INTS4: variants seen among roughly 807,000 people sequenced by gnomAD.
INTS4 encodes the protein integrator complex subunit 4, also known as MSTP093.
In INTS4, 70 loss-of-function variants were observed where a neutral mutation model predicts 119.5. The observed-to-expected ratio is 0.59, with a 90% CI of 0.48 to 0.71. INTS4 has a LOEUF of 0.71. Among genes scored for constraint, INTS4 ranks in the 30% least tolerant of loss-of-function variants. The pLI, the probability that INTS4 is intolerant of heterozygous loss-of-function variation, is 0.00. For missense variants in INTS4, 867 were observed against 1,173.2 expected (o/e 0.74, Z 3.81); for synonymous variants, 316 against 419.6 (o/e 0.75, Z 3.02).
At chr11:77,990,004 T>G (rs1453647478) in intron 2 of INTS4, among the ~76,000 whole-genome samples, 1 of 151,866 alleles carries the variant, frequency 6.6e-6, no homozygotes, top group Admixed American at 6.6e-5. Context: ...TCACTTGAGG[T>G]CAGGAGTACA....
intron 18 of INTS4, among the ~76,000 whole-genome samples, chr11:77,897,642 A>C (rs1952585061): frequency 6.6e-6 from 1 of 150,500 alleles, no homozygotes; most frequent in Non-Finnish European, 1.5e-5. Flanking sequence ...CTGGGATTAC[A>C]GGCACCTGCC....
At position 77,922,252 on chromosome 11, in the gene INTS4, A is replaced by C. The variant is rs1461676754; in HGVS notation, c.1630+104T>G. 5.6e-6 allele frequency: 8 copies of C among 1,437,504 alleles called. No homozygotes were observed. In the East Asian group the frequency reaches 2.0e-4, roughly 36 times the overall value. The allele number at this position is 1,437,504 out of a possible 1,614,324, so 89.0% of individuals were successfully genotyped here. On this transcript the variant is annotated intron_variant, in intron 13 of 22. Transcript: ENST00000534064. ...TCAAAAAAAAAAAAAAAAAAGAAAG[A>C]AAAGCAAAGAAAAGAAAATTCAGAC...
chr11:77,979,265 G>C (rs1315594565), intron 3 of INTS4, among the ~76,000 whole-genome samples, 163 bp from the exon 4 acceptor site: 2 of 152,088 alleles, frequency 1.3e-5, no homozygotes, highest in Admixed American at 1.3e-4. Flanking sequence ...GAGCCCAGGA[G>C]TTCAAGACGA....
chr11:77,912,894 T>C (rs1953121407), intron 15 of INTS4, among the ~76,000 whole-genome samples: 1 of 152,210 alleles, frequency 6.6e-6, no homozygotes, highest in South Asian at 2.1e-4. Context: ...AACTAAAAAA[T>C]CCCATGTTCT....
chr11:77,905,540 T>C (rs995091267), intron 16 of INTS4, among the ~76,000 whole-genome samples: 1 of 152,096 alleles, frequency 6.6e-6, no homozygotes, highest in African/African-American at 2.4e-5. Flanking sequence ...TCCATGAAAG[T>C]GCATCATCAC....
intron 22 of INTS4, among the ~76,000 whole-genome samples, chr11:77,881,118 GAGA>G (rs1254242592): frequency 1.3e-5 from 2 of 152,188 alleles, no homozygotes; most frequent in Admixed American, 6.5e-5. Context: ...GGGAACTTGG[GAGA>G]AGGAGACAAG....
intron 4 of INTS4, among the ~76,000 whole-genome samples, chr11:77,972,291 G>T (rs545804645): frequency 6.6e-6 from 1 of 152,172 alleles, no homozygotes; most frequent in South Asian, 2.1e-4. Context: ...TAGAGATGGG[G>T]TTTTGCCATG....
Position 77,918,827 on chromosome 11 carries a change from G to A in INTS4, c.1916C>T (p.Thr639Ile), listed in dbSNP as rs1481643827. The A allele has an allele frequency of 1.2e-6, 2 of 1,613,074 alleles. No individual in the cohort carries two copies. The highest frequency in any genetic ancestry group is 3.3e-5 in the Admixed American group (2 of 59,970). The change falls in exon 15 of 23, where the codon ACC becomes ATC. Residue 639 changes from threonine to isoleucine, a missense_variant. Coordinates refer to ENST00000534064, the MANE Select transcript of INTS4 (RefSeq NM_033547.4). ...PQGAQELLEF[T>I]IRDLQRLGEL... is the part of the protein sequence containing the mutation. Reference sequence around the variant, plus strand: ...GAAGGGATGATTACCCTACCTGATGGTGAATTCCAGCAGCTCCTGGGCTCC... The same window carrying A: ...GAAGGGATGATTACCCTACCTGATGATGAATTCCAGCAGCTCCTGGGCTCC...
At chr11:77,946,999 G>GA (rs1009460748) in intron 8 of INTS4, among the ~76,000 whole-genome samples, 4 of 148,748 alleles carry the variant, frequency 2.7e-5, no homozygotes, top group Non-Finnish European at 5.9e-5. Context: ...AGAATTTAAT[G>GA]AAAAAAATAA....
rs181035327 is a variant in INTS4 at position 77,933,373 on chromosome 11, C to G, written c.1166-4826G>C. Among the ~76,000 whole-genome samples the G allele has an allele frequency of 5.8e-3, 787 of 135,498 alleles. 3 individuals carry two copies. Among genetic ancestry groups the G allele is most frequent in the African/African-American group, 0.021 (743 of 35,380 alleles). 88.9% of individuals were successfully genotyped at this position (135,498 alleles called of 152,430 possible). A position where few individuals can be genotyped will look rare whatever the true frequency, so the allele number is the denominator to read the frequency against. ...GAGTGCCTGGGATTGCAGGCGCGCG[C>G]CGCCACGTCTGACTGGTTTTCGTAT... On this transcript the variant is annotated intron_variant, in intron 10 of 22. Transcript: ENST00000534064.
chr11:77,965,655 G>A (rs1314138083), intron 4 of INTS4, among the ~76,000 whole-genome samples: 1 of 152,114 alleles, frequency 6.6e-6, no homozygotes, highest in Non-Finnish European at 1.5e-5. Context: ...TGAATGACAG[G>A]ATCTCCTTCA....
At chr11:77,888,815 T>C (rs372139277) in intron 21 of INTS4, among the ~76,000 whole-genome samples, 2 of 152,040 alleles carry the variant, frequency 1.3e-5, no homozygotes, top group South Asian at 2.1e-4. Context: ...CCAAAAAACA[T>C]ATGAAAAAAT....
chr11:77,925,728 C>T (rs538035254), intron 11 of INTS4, among the ~76,000 whole-genome samples: 7 of 152,166 alleles, frequency 4.6e-5, no homozygotes, highest in Non-Finnish European at 1.0e-4. Context: ...GTCCCTAATC[C>T]CCTCTCAGAC....
At chr11:77,895,012 T>C (rs1189283917) in intron 18 of INTS4, among the ~76,000 whole-genome samples, 1 of 152,226 alleles carries the variant, frequency 6.6e-6, no homozygotes, top group Admixed American at 6.5e-5. Flanking sequence ...TAAATTCCTG[T>C]GCAAGAGGGG....
chr11:77,918,234 C>A (rs771443532), intron 15 of INTS4: 15 of 645,148 alleles, frequency 2.3e-5, no homozygotes, highest in South Asian at 2.0e-4. Flanking sequence ...GAGTTTGAGA[C>A]CAGCCTGGCC....
intron 4 of INTS4, among the ~76,000 whole-genome samples, chr11:77,975,998 C>A (rs1373825125): frequency 1.3e-5 from 2 of 148,346 alleles, no homozygotes; most frequent in Non-Finnish European, 3.0e-5. Flanking sequence ...AAAAAAAACA[C>A]ACACACACAA....
rs966251522 is a variant in INTS4 at position 77,928,257 on chromosome 11, C to T, written c.1371+85G>A. 6 of 1,398,590 alleles carry T rather than the reference C, an allele frequency of 4.3e-6. No individual in the cohort carries two copies. In the African/African-American group the frequency reaches 8.5e-5, roughly 20 times the overall value. 86.6% of individuals were successfully genotyped at this position (1,398,590 alleles called of 1,614,324 possible). ...GAACTGTGCTCCCTGATATAGTGTT[C>T]TGTCACCAATGCCTAGCACAATACC... On this transcript the variant is annotated intron_variant, in intron 11 of 22. Coordinates refer to ENST00000534064, the MANE Select transcript of INTS4 (RefSeq NM_033547.4).
At chr11:77,921,204 G>GAGGAT in intron 14 of INTS4, 136 bp downstream of exon 14, 1 of 752,204 alleles carries the variant, frequency 1.3e-6, no homozygotes, top group Non-Finnish European at 2.2e-6. Context: ...GCTGAGCCAG[G>GAGGAT]AGGATGGCTT....
At chr11:77,981,622 T>A in intron 2 of INTS4, 46 bp from the exon 3 acceptor site, 17 of 938,602 alleles carry the variant, frequency 1.8e-5, no homozygotes, top group Non-Finnish European at 2.8e-5. Flanking sequence ...TACACTTAGC[T>A]AACCAACAAA....
Sources: allele counts gnomAD v4.1 joint callset (sites outside exome capture counted in the v4.1 genomes callset), GRCh38; gene constraint gnomAD v4.1.1; transcripts MANE v1.5; gene names NCBI Gene and HGNC (gene_info 2026-07-23, HGNC 2026-07-21).